PDE8B: variants seen among roughly 807,000 people sequenced by gnomAD.
PDE8B encodes the protein phosphodiesterase 8B, also known as high affinity cAMP-specific and IBMX-insensitive 3',5'-cyclic phosphodiesterase 8B.
A neutral mutation model predicts 101.3 loss-of-function variants in PDE8B; 26 were observed. The ratio of observed to expected loss-of-function variants is 0.26; its 90% confidence interval spans 0.19 to 0.36. The LOEUF (loss-of-function observed/expected upper bound fraction) is 0.36. Among genes scored for constraint, PDE8B ranks in the 10% least tolerant of loss-of-function variants. PDE8B has a pLI of 1.00. For synonymous variants in PDE8B, 424 were observed against 429.3 expected (o/e 0.99, Z 0.15); for missense variants, 810 against 1,163.1 (o/e 0.70, Z 4.42).
chr5:77,331,326 G>GCT, intron 4 of PDE8B, 76 bp from the exon 5 acceptor site: 3 of 1,307,270 alleles, frequency 2.3e-6, no homozygotes, highest in Non-Finnish European at 3.3e-6. Context: ...TGGCCTCATT[G>GCT]CTCTCTCTCC....
At chr5:77,331,319 C>A in intron 4 of PDE8B, 83 bp from the exon 5 acceptor site, 1 of 1,213,688 alleles carries the variant, frequency 8.2e-7, no homozygotes, top group Non-Finnish European at 1.2e-6. Context: ...CGCTGTGTGG[C>A]CTCATTGCTC....
At chr5:77,305,265 A>G (rs956021088) in intron 1 of PDE8B, among the ~76,000 whole-genome samples, 16 of 152,226 alleles carry the variant, frequency 1.1e-4, no homozygotes, top group African/African-American at 3.9e-4. Flanking sequence ...TCTAATATGA[A>G]GCCCAGGTTG....
the PDE8B span, among the ~76,000 whole-genome samples, chr5:77,166,167 C>A: frequency 2.1e-5 from 3 of 146,116 alleles, no homozygotes; most frequent in African/African-American, 7.6e-5. Context: ...CTGCCCTGGG[C>A]CTGTCCTGGC....
chr5:77,155,473 A>G, the PDE8B span, among the ~76,000 whole-genome samples: 73 of 152,302 alleles, frequency 4.8e-4, 1 homozygote, highest in Middle Eastern at 0.014. Flanking sequence ...TTCTATAAAG[A>G]TCAGTTACTA....
the PDE8B span, chr5:77,143,832 T>A: frequency 8.0e-5 from 12 of 150,906 alleles, no homozygotes; most frequent in Admixed American, 5.9e-4. Context: ...AGCCTCAATC[T>A]CATAAGGGAG....
At chr5:77,377,369 T>G (rs1170009518) in intron 10 of PDE8B, among the ~76,000 whole-genome samples, 1 of 152,166 alleles carries the variant, frequency 6.6e-6, no homozygotes, top group Non-Finnish European at 1.5e-5. Context: ...ACCTGGGAGC[T>G]TGTTAAACAT....
At chr5:77,349,314 T>G in intron 7 of PDE8B, 105 bp from the exon 8 acceptor site, 205 of 1,462,272 alleles carry the variant, frequency 1.4e-4, no homozygotes, top group Middle Eastern at 2.4e-4. Context: ...ACTTCTTGCT[T>G]GATATTCCTC....
At chr5:77,375,979 G>A (rs148088665) in intron 10 of PDE8B, among the ~76,000 whole-genome samples, 1,854 of 135,966 alleles carry the variant, frequency 0.014, 15 homozygotes, top group Non-Finnish European at 0.018. Flanking sequence ...CGCAACCTCC[G>A]CCTCCCAGGT....
chr5:77,260,173 A>AG (rs1230029045), intron 1 of PDE8B, among the ~76,000 whole-genome samples: 1 of 146,868 alleles, frequency 6.8e-6, no homozygotes, highest in Admixed American at 6.8e-5. Context: ...AAAAAAAAAA[A>AG]GAAAAAAAAG....
chr5:77,112,902 G>A, the PDE8B span: 1 of 152,102 alleles, frequency 6.6e-6, no homozygotes, highest in Non-Finnish European at 1.5e-5. Flanking sequence ...AATCATGACT[G>A]CCCTCCCATT....
At chr5:77,179,997 G>A in the PDE8B span, among the ~76,000 whole-genome samples, 2 of 152,218 alleles carry the variant, frequency 1.3e-5, no homozygotes, top group African/African-American at 4.8e-5. Context: ...ATTGTGAGTT[G>A]AGGGCTGCAG....
intron 1 of PDE8B, among the ~76,000 whole-genome samples, chr5:77,219,718 A>T (rs1297243736): frequency 6.6e-6 from 1 of 152,214 alleles, no homozygotes; most frequent in East Asian, 1.9e-4. Flanking sequence ...AGCTTAAAAA[A>T]TGGATTGACA....
the PDE8B span, among the ~76,000 whole-genome samples, chr5:77,102,664 G>T: frequency 1.3e-5 from 2 of 152,140 alleles, no homozygotes; most frequent in Non-Finnish European, 2.9e-5. Context: ...TGTCTATGAC[G>T]TGTGATCCTA....
intron 1 of PDE8B, among the ~76,000 whole-genome samples, chr5:77,254,279 T>C (rs941440357): frequency 1.3e-5 from 2 of 152,018 alleles, no homozygotes; most frequent in African/African-American, 4.8e-5. Context: ...AAAGTAGATA[T>C]GCATTATGCT....
chr5:77,316,336 C>T lies in PDE8B; in HGVS notation c.399+4283C>T, dbSNP rs150972905. 1.9e-3 allele frequency among the ~76,000 whole-genome samples: 291 copies of T among 152,202 alleles called. 4 individuals are homozygous for T. Among genetic ancestry groups the T allele is most frequent in the African/African-American group, 6.6e-3 (274 of 41,526 alleles). ...GCAAACTCTGCCTCCTGGGTTCAAG[C>T]GATTCTTCTGCCTCAGCCTCCCAAG... On this transcript the variant is annotated intron_variant, in intron 2 of 21. Coordinates refer to ENST00000264917, the MANE Select transcript of PDE8B (RefSeq NM_003719.5).
At chr5:77,127,687 C>A in the PDE8B span, among the ~76,000 whole-genome samples, 1 of 152,088 alleles carries the variant, frequency 6.6e-6, no homozygotes, top group Non-Finnish European at 1.5e-5. Flanking sequence ...AGACAGACAT[C>A]ACTTTGCAAA....
At chr5:77,319,154 T>C (rs1486735326) in intron 2 of PDE8B, among the ~76,000 whole-genome samples, 2 of 152,238 alleles carry the variant, frequency 1.3e-5, no homozygotes, top group African/African-American at 4.8e-5. Context: ...TGCACAGATT[T>C]CATGGTTTAC....
chr5:77,312,047 T>C lies in PDE8B; in HGVS notation c.393T>C (p.Pro131=). The change falls in exon 2 of 22, where the codon CCT becomes CCC. Residue 131 remains proline (P), a synonymous_variant. Transcript: ENST00000264917. ...RIGPMRLTQD[P]IQVLLIFAKE... is the part of the protein sequence containing the mutation. ...GGCCCATGAGACTGACGCAGGACCC[T>C]ATTCAGGTACGCCTCCTTTACTCAG... 1 of 1,609,638 alleles carries C rather than the reference T, an allele frequency of 6.2e-7. No individual in the cohort carries two copies.
At chr5:77,236,550 C>T (rs1435015701) in intron 1 of PDE8B, among the ~76,000 whole-genome samples, 1 of 152,170 alleles carries the variant, frequency 6.6e-6, no homozygotes, top group Admixed American at 6.5e-5. Context: ...AACTGTGTCA[C>T]ATGCTGCTGA....
Sources: allele counts gnomAD v4.1 joint callset (sites outside exome capture counted in the v4.1 genomes callset), GRCh38; gene constraint gnomAD v4.1.1; transcripts MANE v1.5; gene names NCBI Gene and HGNC (gene_info 2026-07-23, HGNC 2026-07-21).